Variants in MDGA1 observed in about 807,000 individuals in gnomAD.
The protein encoded by MDGA1 is MAM domain-containing glycosylphosphatidylinositol anchor protein 1.
A neutral mutation model predicts 101.5 loss-of-function variants in MDGA1; 54 were observed. That is an observed-to-expected ratio of 0.53 (90% CI 0.43 to 0.67). The LOEUF (loss-of-function observed/expected upper bound fraction) is 0.67. Among genes scored for constraint, MDGA1 ranks in the 30% least tolerant of loss-of-function variants. MDGA1 has a pLI of 0.00. For synonymous variants in MDGA1, 533 were observed against 558.3 expected, an observed-to-expected ratio of 0.95 and a Z score of 0.64; for missense variants, 1,083 against 1,323.8, an observed-to-expected ratio of 0.82 and a Z score of 2.82.
At chr6:37,684,756 C>T (rs550005150) in intron 1 of MDGA1, among the ~76,000 whole-genome samples, 5 of 152,322 alleles carry the variant, frequency 3.3e-5, no homozygotes, top group African/African-American at 1.2e-4. Flanking sequence ...TCTGTGTCTA[C>T]CCTGTAGTCT....
rs1258854616 is a variant in MDGA1, at chr6:37,633,566, G to A, written c.*3802C>T. On this transcript the variant is annotated 3_prime_UTR_variant, in exon 17 of 17. Coordinates refer to ENST00000434837, the MANE Select transcript of MDGA1 (RefSeq NM_153487.4). The stretch of plus-strand genomic sequence containing the variant: ...GGGGAAACAGGGTCTCTTCTGTCTG[G>A]GGGCCTGGGAGAAGGGCAGCAGCTG... 1 of 152,412 alleles carries A rather than the reference G, an allele frequency of 6.6e-6. No individual in the cohort carries two copies. Among genetic ancestry groups the A allele is most frequent in the Non-Finnish European group, 1.5e-5 (1 of 68,192 alleles). The allele number at this position is 152,412 out of a possible 1,614,324, so 9.4% of individuals were successfully genotyped here. A position where few individuals can be genotyped will look rare whatever the true frequency, so the allele number is the denominator to read the frequency against.
intron 9 of MDGA1, chr6:37,648,685 G>C (rs765294362): frequency 4.4e-5 from 23 of 524,540 alleles, no homozygotes; most frequent in African/African-American, 8.1e-5. Flanking sequence ...ACTGGTATAG[G>C]CATAGGCGGG....
chr6:37,696,662 A>C lies in MDGA1; in HGVS notation c.67+83T>G. On this transcript the variant is annotated intron_variant, in intron 1 of 16. Transcript: ENST00000434837. The surrounding 1 kb of genome is among the most constrained non-coding windows in gnomAD (Gnocchi z 5.6). ...AGAGTCCGAGTCGAGGTCTCCACCA[A>C]ACCCCGGCAGCGCGCACTTTGCGCC... 7.2e-7 allele frequency: 1 copy of C among 1,379,936 alleles called. No homozygotes were observed. The allele number at this position is 1,379,936 out of a possible 1,614,324, so 85.5% of individuals were successfully genotyped here. A position where few individuals can be genotyped will look rare whatever the true frequency, so the allele number is the denominator to read the frequency against.
At chr6:37,642,585 C>G (rs76434345) in intron 14 of MDGA1, among the ~76,000 whole-genome samples, 1 of 152,104 alleles carries the variant, frequency 6.6e-6, no homozygotes, top group African/African-American at 2.4e-5. Context: ...ATTATGTGCC[C>G]TTTTGTACCT....
chr6:37,670,528 A>T (rs1481780516), intron 1 of MDGA1, among the ~76,000 whole-genome samples: 2 of 149,490 alleles, frequency 1.3e-5, no homozygotes, highest in African/African-American at 5.0e-5. Flanking sequence ...CATTTGCAAA[A>T]TGGGGTTGTT....
At chr6:37,670,529 T>C (rs1761845694) in intron 1 of MDGA1, among the ~76,000 whole-genome samples, 1 of 149,054 alleles carries the variant, frequency 6.7e-6, no homozygotes, top group Admixed American at 6.6e-5. Flanking sequence ...ATTTGCAAAA[T>C]GGGGTTGTTG....
Position 37,655,743 on chromosome 6 carries a change from C to T in MDGA1, c.536G>A (p.Ser179Asn), listed in dbSNP as rs779605580. ...WKRGSDTLSH[S>N]QDNGVDIYEP... The stretch of plus-strand genomic sequence containing the variant: ...ATAGATGTCAACCCCATTGTCCTGG[C>T]TGTGGGATAGGGTATCGGAACCCCG... The change falls in exon 4 of 17, where the codon AGC becomes AAC. Residue 179 changes from serine (S) to asparagine (N), a missense_variant. Physicochemically the swap from Ser to Asn is conservative, Grantham distance 46. Around this residue, in one of 3 missense-constraint regions of MDGA1, gnomAD observed 310 missense variants for 355.9 expected, o/e 0.87. Transcript: ENST00000434837. The surrounding 1 kb of genome is among the most constrained non-coding windows in gnomAD (Gnocchi z 5.1). The T allele has an allele frequency of 5.0e-6, 8 of 1,613,008 alleles. No individual in the cohort carries two copies. In the African/African-American group the frequency reaches 1.1e-4, roughly 22 times the overall value.
intron 1 of MDGA1, among the ~76,000 whole-genome samples, chr6:37,681,632 C>G (rs1461581402): frequency 6.6e-6 from 1 of 152,238 alleles, no homozygotes; most frequent in African/African-American, 2.4e-5. Flanking sequence ...ATTACATGCA[C>G]AAAAAATACA....
chr6:37,666,912 G>A (rs918282879), intron 1 of MDGA1, among the ~76,000 whole-genome samples: 1 of 152,136 alleles, frequency 6.6e-6, no homozygotes, highest in African/African-American at 2.4e-5. Context: ...ATTACACAGG[G>A]TAAACCTCTA....
chr6:37,666,236 T>C lies in MDGA1; in HGVS notation c.68-2130A>G, dbSNP rs1292926806. ...TTAGCCAGGCATGGTGGTGCGTACC[T>C]GTAATCCCAGCTACTCAGGAAGCTG... is the stretch of plus-strand genomic sequence containing the variant. On this transcript the variant is annotated intron_variant, in intron 1 of 16. Coordinates refer to ENST00000434837, the MANE Select transcript of MDGA1 (RefSeq NM_153487.4). Among the ~76,000 whole-genome samples, 4 of 150,764 alleles carry C rather than the reference T, an allele frequency of 2.7e-5. No individual in the cohort carries two copies. The East Asian group carries it at 7.8e-4, about 29-fold the overall frequency.
chr6:37,638,621 G>T lies in MDGA1; in HGVS notation c.2583C>A (p.Asp861Glu). The part of the protein sequence containing the change: ...LVRSRNKGAL[D>E]THAWSLSGNK... ...TGCCACTGAGAGACCAGGCGTGCGT[G>T]TCCAGAGCCCCTTTGTTCCGGGACC... Residue 861 changes from aspartate (D) to glutamate (E), a missense_variant, in exon 15 of 17, where the codon GAC becomes GAA. Asp to Glu is a conservative substitution (Grantham distance 45). This residue lies in a region of MDGA1 where 657 missense variants were observed against 771.4 expected (regional missense o/e 0.85). Coordinates refer to ENST00000434837, the MANE Select transcript of MDGA1 (RefSeq NM_153487.4). The surrounding 1 kb of genome is among the most constrained non-coding windows in gnomAD (Gnocchi z 4.8). 1 of 1,613,956 alleles carries T rather than the reference G, an allele frequency of 6.2e-7. No homozygotes were observed.
At chr6:37,688,232 C>T (rs919445116) in intron 1 of MDGA1, among the ~76,000 whole-genome samples, 2 of 152,238 alleles carry the variant, frequency 1.3e-5, no homozygotes, top group Admixed American at 6.5e-5. Flanking sequence ...ATCTAAACAG[C>T]TCTTACAACC....
At position 37,643,860 on chromosome 6, in the gene MDGA1, C is replaced by T. The variant is rs768670711; in HGVS notation, c.2485G>A (p.Ala829Thr). 1.2e-5 allele frequency: 20 copies of T among 1,613,946 alleles called. No homozygotes were observed. The highest frequency in any genetic ancestry group is 3.3e-5 in the South Asian group (3 of 91,078). The change falls in exon 14 of 17, where the codon GCC (alanine) becomes ACC (threonine). Residue 829 changes from alanine (A) to threonine (T), a missense_variant. Physicochemically the swap from Ala to Thr is moderately conservative, Grantham distance 58. Coordinates refer to ENST00000434837, the MANE Select transcript of MDGA1 (RefSeq NM_153487.4). ...AAGAAGGAGACACAGTAGAACTTGG[C>T]GCTGGCATTGTAGAGGGGACTCACT... ...RLVSPLYNAS[A>T]KFYCVSFFYH...
intron 2 of MDGA1, among the ~76,000 whole-genome samples, chr6:37,661,822 C>T (rs1413217364): frequency 6.6e-6 from 1 of 151,942 alleles, no homozygotes; most frequent in African/African-American, 2.4e-5. Flanking sequence ...TATGATGTAG[C>T]ACAACAGGGG....
chr6:37,688,656 G>A (rs1231531686), intron 1 of MDGA1, among the ~76,000 whole-genome samples: 1 of 152,108 alleles, frequency 6.6e-6, no homozygotes, highest in African/African-American at 2.4e-5. Context: ...ACCCACACCC[G>A]GAGCTCCCTG....
chr6:37,649,259 C>G lies in MDGA1; in HGVS notation c.1617G>C (p.Pro539=). 1.3e-6 allele frequency: 2 copies of G among 1,500,152 alleles called. No individual in the cohort carries two copies. The highest frequency in any genetic ancestry group is 2.9e-5 in the African/African-American group (2 of 69,160). The allele number at this position is 1,500,152 out of a possible 1,614,324, so 92.9% of individuals were successfully genotyped here. ...CGTCCTGGGAACTGGGCTCCACCTCCGGCGGGACTGGGGGCGGGAGCGGCG... is the reference window on the plus strand; with the variant it reads ...CGTCCTGGGAACTGGGCTCCACCTCGGGCGGGACTGGGGGCGGGAGCGGCG... ...AQVQLNVQFP[P]EVEPSSQDVR... The change falls in exon 9 of 17, where the codon CCG becomes CCC. Residue 539 remains proline (P), a synonymous_variant. Coordinates refer to ENST00000434837, the MANE Select transcript of MDGA1 (RefSeq NM_153487.4).
At chr6:37,688,428 G>C (rs1762243083) in intron 1 of MDGA1, among the ~76,000 whole-genome samples, 1 of 152,172 alleles carries the variant, frequency 6.6e-6, no homozygotes, top group African/African-American at 2.4e-5. Context: ...GGCCTGGAAA[G>C]GAACCAAGAA....
rs1762418667 is a variant in MDGA1, at chr6:37,696,358, A to G, written c.67+387T>C. 1.3e-5 allele frequency among the ~76,000 whole-genome samples: 2 copies of G among 152,194 alleles called. No individual in the cohort carries two copies. Among genetic ancestry groups the G allele is most frequent in the Middle Eastern group, 6.8e-3 (2 of 294 alleles). ...GCAAGCCGCGCGGCAACTCCGGCTC[A>G]TGCATCGCTTGGCTTCCACTCCGGA... On this transcript the variant is annotated intron_variant, in intron 1 of 16. Transcript: ENST00000434837. The surrounding 1 kb of genome is among the most constrained non-coding windows in gnomAD (Gnocchi z 5.6).
rs1763816134 is a variant in MDGA1, at chr6:37,631,053, C to G, written c.*6315G>C. 6.6e-6 allele frequency: 1 copy of G among 152,170 alleles called. No individual in the cohort carries two copies. Among genetic ancestry groups the G allele is most frequent in the Non-Finnish European group, 1.5e-5 (1 of 68,034 alleles). The allele number at this position is 152,170 out of a possible 1,614,324, so 9.4% of individuals were successfully genotyped here. A position where few individuals can be genotyped will look rare whatever the true frequency, so the allele number is the denominator to read the frequency against. Reference sequence around the variant, plus strand: ...CAAGAGGAAGGGAATTAGACTCTGCCTCTCTACAGGAAGGATAACATGGGA... The same window carrying G: ...CAAGAGGAAGGGAATTAGACTCTGCGTCTCTACAGGAAGGATAACATGGGA... On this transcript the variant is annotated 3_prime_UTR_variant, in exon 17 of 17. Transcript: ENST00000434837.
Sources: allele counts gnomAD v4.1 joint callset (sites outside exome capture counted in the v4.1 genomes callset), GRCh38; gene constraint gnomAD v4.1.1; regional missense constraint gnomAD v4.1.1; non-coding constraint Gnocchi (gnomAD v3.1); transcripts MANE v1.5; gene names NCBI Gene and HGNC (gene_info 2026-07-23, HGNC 2026-07-21).